ZNF492: variants seen among roughly 807,000 people sequenced by gnomAD.
The protein encoded by ZNF492 is zinc finger protein 115 (Y20).
Under a neutral mutation model 6.4 loss-of-function variants are expected in ZNF492, and 3 were observed. The ratio of observed to expected loss-of-function variants is 0.47; its 90% CI spans 0.21 to 1.22. The LOEUF (loss-of-function observed/expected upper bound fraction) is 1.22. ZNF492 is among the 50% of genes most tolerant of loss of function. The pLI, the probability that ZNF492 is intolerant of heterozygous loss-of-function variation, is 0.22. For synonymous variants in ZNF492, 112 were observed against 205.3 expected, an observed-to-expected ratio of 0.55 and a Z score of 3.89; for missense variants, 356 against 612.5, an observed-to-expected ratio of 0.58 and a Z score of 4.42.
intron 1 of ZNF492, among the ~76,000 whole-genome samples, chr19:22,648,556 T>C (rs1039001169): frequency 3.9e-4 from 59 of 152,302 alleles, no homozygotes; most frequent in African/African-American, 1.4e-3. Context: ...TGTTAAAGTC[T>C]CCCACTGATT....
In ZNF492 at chr19:22,663,806, G is replaced by A. The variant is rs750097666; in HGVS notation, c.137G>A (p.Cys46Tyr). ...HEMVAEPPVVCSYFARDLWPK... is the reference protein window; with the variant it reads ...HEMVAEPPVVYSYFARDLWPK... The stretch of plus-strand genomic sequence containing the variant: ...TTATTTTTATTTCTTTCAGTTGTAT[G>A]TTCTTATTTTGCCCGAGACCTTTGG... The change falls in exon 4 of 4, where the codon TGT becomes TAT. Residue 46 changes from cysteine (C) to tyrosine (Y), a missense_variant. Cys to Tyr is a radical substitution (Grantham distance 194). Around this residue, in one of 7 missense-constraint regions of ZNF492, gnomAD observed 196 missense variants for 219.4 expected, o/e 0.89. Transcript: ENST00000456783. The A allele has an allele frequency of 5.5e-5, 83 of 1,512,842 alleles. No homozygotes were observed. Among genetic ancestry groups the A allele is most frequent in the Middle Eastern group, 3.5e-4 (2 of 5,646 alleles). 93.7% of individuals were successfully genotyped at this position (1,512,842 alleles called of 1,614,324 possible).
Position 22,653,336 on chromosome 19 carries a change from A to G in ZNF492, c.-64A>G. 1 of 1,613,678 alleles carries G rather than the reference A, an allele frequency of 6.2e-7. No individual in the cohort carries two copies. The highest frequency in any genetic ancestry group is 1.1e-5 in the South Asian group (1 of 91,056). ...TGTTGACATTTAGGGATGTGGCCAT[A>G]GAATTCTCTCTGGAGGAGTGGCAAT... On this transcript the variant is annotated 5_prime_UTR_variant, in exon 2 of 4. It adds an upstream start codon to the 5' untranslated region. Transcript: ENST00000456783.
chr19:22,663,548 C>T lies in ZNF492; in HGVS notation c.131-252C>T, dbSNP rs62118830. On this transcript the variant is annotated intron_variant, in intron 3 of 3. Coordinates refer to ENST00000456783, the MANE Select transcript of ZNF492 (RefSeq NM_020855.3). ...GAAGATCTGCACTGGGTAAATGTAA[C>T]AGACTTTTCTTTCTTCTATGTGACT... 3.6e-4 allele frequency among the ~76,000 whole-genome samples: 54 copies of T among 151,980 alleles called. 1 individual carries two copies. The highest frequency in any genetic ancestry group is 3.9e-4 in the Admixed American group (6 of 15,246).
intron 1 of ZNF492, among the ~76,000 whole-genome samples, chr19:22,642,191 C>T (rs955532278): frequency 2.0e-5 from 3 of 151,996 alleles, no homozygotes; most frequent in African/African-American, 4.8e-5. Context: ...AGTTCAAGAA[C>T]GTGTCCAGTG....
chr19:22,649,905 G>A (rs896120275), intron 1 of ZNF492, among the ~76,000 whole-genome samples: 2 of 152,086 alleles, frequency 1.3e-5, no homozygotes, highest in African/African-American at 2.4e-5. Context: ...CTTTAGCTCA[G>A]TGGAGTTTGT....
At position 22,635,106 on chromosome 19, in the gene ZNF492, C is replaced by T. The variant is rs535368897; in HGVS notation, c.-94+632C>T. ...TTCCTGGTTGTGTAATCAGAGCTTACTTGGCAGTTTATCGTTAGTTAAGCC... is the reference window on the plus strand; with the variant it reads ...TTCCTGGTTGTGTAATCAGAGCTTATTTGGCAGTTTATCGTTAGTTAAGCC... On this transcript the variant is annotated intron_variant, in intron 1 of 3. Coordinates refer to ENST00000456783, the MANE Select transcript of ZNF492 (RefSeq NM_020855.3). 2.6e-5 allele frequency among the ~76,000 whole-genome samples: 4 copies of T among 152,054 alleles called. No individual in the cohort carries two copies. The South Asian group carries it at 8.3e-4, about 32-fold the overall frequency.
At chr19:22,654,517 C>T (rs544366533) in intron 3 of ZNF492, among the ~76,000 whole-genome samples, 1 of 148,996 alleles carries the variant, frequency 6.7e-6, no homozygotes, top group Non-Finnish European at 1.5e-5. Flanking sequence ...TGATGTTCTT[C>T]TGCTTTGTCC....
intron 3 of ZNF492, among the ~76,000 whole-genome samples, chr19:22,658,859 ATT>A (rs1972024288): frequency 7.0e-6 from 1 of 142,804 alleles, no homozygotes; most frequent in Non-Finnish European, 1.5e-5. Context: ...ATTCTATTTT[ATT>A]AGTCTACTTT....
chr19:22,636,006 C>CCAT (rs1971757785), intron 1 of ZNF492, among the ~76,000 whole-genome samples: 1 of 152,150 alleles, frequency 6.6e-6, no homozygotes, highest in Non-Finnish European at 1.5e-5. Flanking sequence ...TTTTCTGATC[C>CCAT]TCTTTGTCCT....
In ZNF492 at chr19:22,663,987, G is replaced by C. The variant is rs568059046; in HGVS notation, c.318G>C (p.Thr106=). 2.5e-6 allele frequency: 4 copies of C among 1,611,746 alleles called. No homozygotes were observed. In the Admixed American group the frequency reaches 6.7e-5, roughly 27 times the overall value. ...ACAATGGACTTAACCAGTGTTTGAC[G>C]ACTACCCAGAACAAAATATTTCAAT... is the stretch of plus-strand genomic sequence containing the variant. ...ECYNGLNQCL[T]TTQNKIFQCD... The change falls in exon 4 of 4, where the codon ACG becomes ACC. Residue 106 remains threonine, a synonymous_variant. Coordinates refer to ENST00000456783, the MANE Select transcript of ZNF492 (RefSeq NM_020855.3).
chr19:22,664,998 T>C lies in ZNF492; in HGVS notation c.1329T>C (p.His443=). The part of the protein sequence containing the change: ...SSTLSKHKVI[H]TGEKPYKYEE... ...CTCTTTCTAAACATAAGGTAATTCATACTGGAGAGAAGCCCTACAAATATG... is the reference window on the plus strand; with the variant it reads ...CTCTTTCTAAACATAAGGTAATTCACACTGGAGAGAAGCCCTACAAATATG... The change falls in exon 4 of 4, where the codon CAT becomes CAC. Residue 443 remains histidine (H), a synonymous_variant. Transcript: ENST00000456783. The C allele has an allele frequency of 6.3e-7, 1 of 1,586,960 alleles. No homozygotes were observed.
Position 22,665,004 on chromosome 19 carries a change from A to G in ZNF492, c.1335A>G (p.Gly445=), listed in dbSNP as rs756719462. 2 of 1,583,756 alleles carry G rather than the reference A, an allele frequency of 1.3e-6. No individual in the cohort carries two copies. The highest frequency in any genetic ancestry group is 2.2e-5 in the South Asian group (2 of 89,042). ...TLSKHKVIHT[G]EKPYKYEECG... ...CTAAACATAAGGTAATTCATACTGG[A>G]GAGAAGCCCTACAAATATGAAGAAT... Residue 445 remains glycine (G), a synonymous_variant, in exon 4 of 4, where the codon GGA becomes GGG. Transcript: ENST00000456783.
chr19:22,662,810 G>A (rs1398989996), intron 3 of ZNF492, among the ~76,000 whole-genome samples: 1 of 151,360 alleles, frequency 6.6e-6, no homozygotes, highest in Non-Finnish European at 1.5e-5. Context: ...ATTTGTTTAA[G>A]TTCTTTGTAG....
At chr19:22,640,737 T>A (rs1418250357) in intron 1 of ZNF492, among the ~76,000 whole-genome samples, 1 of 152,224 alleles carries the variant, frequency 6.6e-6, no homozygotes, top group Admixed American at 6.5e-5. Context: ...CAGCTGTGAA[T>A]CTATCTGGTC....
chr19:22,664,217 A>G lies in ZNF492; in HGVS notation c.548A>G (p.Asn183Ser). ...GGGAAAGCCTATAATGAGACCTCAA[A>G]CCTTTCTACACATAAAAGAATTCAT... ...ECGKAYNETS[N>S]LSTHKRIHTG... Residue 183 changes from asparagine to serine, a missense_variant, in exon 4 of 4, where the codon AAC becomes AGC. Asn to Ser is a conservative substitution (Grantham distance 46). Coordinates refer to ENST00000456783, the MANE Select transcript of ZNF492 (RefSeq NM_020855.3). 1 of 1,612,892 alleles carries G rather than the reference A, an allele frequency of 6.2e-7. No individual in the cohort carries two copies. Among genetic ancestry groups the G allele is most frequent in the Non-Finnish European group, 8.5e-7 (1 of 1,179,402 alleles).
At position 22,653,305 on chromosome 19, in the gene ZNF492, A is replaced by C; in HGVS notation, c.-93-2A>C. The C allele has an allele frequency of 6.2e-7, 1 of 1,611,970 alleles. No homozygotes were observed. The highest frequency in any genetic ancestry group is 8.5e-7 in the Non-Finnish European group (1 of 1,179,544). ...ATGTATGTGTGTTTGTATGTTTTTC[A>C]GGGAGTGTTGACATTTAGGGATGTG... On this transcript the variant is annotated splice_acceptor_variant, in intron 1 of 3. Transcript: ENST00000456783. LOFTEE classifies it low-confidence loss of function (5UTR_SPLICE).
intron 2 of ZNF492, 84 bp from the exon 3 acceptor site, chr19:22,653,836 C>T: frequency 7.1e-6 from 10 of 1,398,704 alleles, no homozygotes; most frequent in Non-Finnish European, 9.5e-6. Flanking sequence ...CTAGAATATT[C>T]TATTACATCC....
chr19:22,652,635 A>AGT (rs1971951965), intron 1 of ZNF492, among the ~76,000 whole-genome samples: 1 of 149,278 alleles, frequency 6.7e-6, no homozygotes, highest in Admixed American at 6.7e-5. Flanking sequence ...GCTGGAGTGC[A>AGT]GTGGCGCGAT....
chr19:22,661,078 A>T (rs1972054278), intron 3 of ZNF492, among the ~76,000 whole-genome samples: 1 of 152,104 alleles, frequency 6.6e-6, no homozygotes, highest in Non-Finnish European at 1.5e-5. Flanking sequence ...TTGATTTTTG[A>T]AAATGTGCTT....
Sources: gnomAD v4.1 joint callset for allele counts (sites outside exome capture counted in the v4.1 genomes callset) on GRCh38, gnomAD v4.1.1 for gene constraint, gnomAD v4.1.1 regional missense constraint, MANE v1.5 for transcripts, NCBI Gene and HGNC (gene_info 2026-07-23, HGNC 2026-07-21) for gene names.